INSC: variants seen among roughly 807,000 people sequenced by gnomAD.
INSC encodes INSC spindle orientation adaptor protein.
A neutral mutation model predicts 58.6 loss-of-function variants in INSC; 67 were observed. That is an observed-to-expected ratio of 1.14 (90% CI 0.94 to 1.40). The LOEUF (loss-of-function observed/expected upper bound fraction) is 1.40, where lower values mean the gene tolerates loss of function less well. Ranked by LOEUF, INSC falls within the 40% of genes most tolerant of loss-of-function variation. The probability of loss-of-function intolerance (pLI) is 0.00; values close to 1 mark genes in which losing one functional copy is unlikely to be tolerated. For missense variants in INSC, 714 were observed against 692.0 expected (o/e 1.03, Z -0.36); for synonymous variants, 262 against 276.1 (o/e 0.95, Z 0.51).
At chr11:15,150,346 T>G (rs778759833) in intron 2 of INSC, among the ~76,000 whole-genome samples, 20 of 152,238 alleles carry the variant, frequency 1.3e-4, no homozygotes, top group Admixed American at 2.6e-4. Context: ...TCTTTCCTCC[T>G]GTTCCAAGCT....
intron 7 of INSC, among the ~76,000 whole-genome samples, chr11:15,204,534 C>T (rs377341687): frequency 3.9e-5 from 6 of 152,236 alleles, no homozygotes; most frequent in East Asian, 1.9e-4. Flanking sequence ...CCTCTGTGAG[C>T]TGGGCTGCTC....
At chr11:15,187,448 TGACTTATG>T in intron 5 of INSC, among the ~76,000 whole-genome samples, 1 of 152,328 alleles carries the variant, frequency 6.6e-6, no homozygotes, top group Admixed American at 6.5e-5. Context: ...CTACTATGTC[TGACTTATG>T]GACTTTCCAT....
chr11:15,250,228 GCTTTACCA>G (rs1173398971), downstream of INSC, among the ~76,000 whole-genome samples: 1 of 152,134 alleles, frequency 6.6e-6, no homozygotes, highest in African/African-American at 2.4e-5. Flanking sequence ...AAAAATCCTA[GCTTTACCA>G]CTTTACTGTT....
intron 9 of INSC, chr11:15,235,057 T>G (rs1482692192): frequency 5.8e-6 from 1 of 171,992 alleles, no homozygotes; most frequent in Non-Finnish European, 1.3e-5. Flanking sequence ...CTCATCAGAT[T>G]CCATGTAATA....
intron 2 of INSC, among the ~76,000 whole-genome samples, chr11:15,163,751 G>A (rs955945222): frequency 2.0e-5 from 3 of 152,008 alleles, no homozygotes; most frequent in Non-Finnish European, 4.4e-5. Context: ...CTGCCACCAC[G>A]CTCAACTAAT....
intron 6 of INSC, among the ~76,000 whole-genome samples, chr11:15,196,568 G>T (rs1181587075): frequency 1.3e-5 from 2 of 152,140 alleles, no homozygotes; most frequent in Non-Finnish European, 2.9e-5. Context: ...GCTTGCTCTG[G>T]GTATGAGGCT....
At position 15,175,909 on chromosome 11, in the gene INSC, G is replaced by T. The variant is rs766791349; in HGVS notation, c.225G>T (p.Gln75His). The stretch of plus-strand genomic sequence containing the variant: ...GCCCTGGCCCTGGAGACCCCCTGCA[G>T]CTGCTGCTCAAACGGGGTTGGGTCA... Reference protein sequence around the residue: ...AGGPGPGDPLQLLLKRGWVIS... With the variant: ...AGGPGPGDPLHLLLKRGWVIS... Residue 75 changes from glutamine (Q) to histidine (H), a missense_variant, in exon 3 of 13, where the codon CAG becomes CAT. Gln to His is a conservative substitution (Grantham distance 24). Coordinates refer to ENST00000379556, the MANE Select transcript of INSC (RefSeq NM_001042536.3). 1.1e-5 allele frequency: 17 copies of T among 1,614,218 alleles called. No homozygotes were observed. Among genetic ancestry groups the T allele is most frequent in the Non-Finnish European group, 1.4e-5 (17 of 1,180,026 alleles).
intron 1 of INSC, among the ~76,000 whole-genome samples, chr11:15,140,650 C>T (rs1448362501): frequency 6.6e-6 from 1 of 151,090 alleles, no homozygotes; most frequent in Non-Finnish European, 1.5e-5. Context: ...ATAATCATAG[C>T]TCACTGTAAC....
At position 15,158,860 on chromosome 11, in the gene INSC, G is replaced by GTTTTTTTTTTTTTTTTTT. The variant is rs529518368; in HGVS notation, c.56+9634_56+9651dup. Among the ~76,000 whole-genome samples the GTTTTTTTTTTTTTTTTTT allele has an allele frequency of 1.7e-4, 19 of 109,702 alleles. 1 individual carries two copies. Among genetic ancestry groups the GTTTTTTTTTTTTTTTTTT allele is most frequent in the African/African-American group, 6.0e-4 (17 of 28,266 alleles). 72.0% of individuals were successfully genotyped at this position (109,702 alleles called of 152,430 possible). Reference sequence around the variant, plus strand: ...ATTATAACCAGATGAATTGTTGGTGGTTTTTTTTTTTTTTTTTTTTTGCCT... The same window carrying GTTTTTTTTTTTTTTTTTT: ...ATTATAACCAGATGAATTGTTGGTGGTTTTTTTTTTTTTTTTTTTTTTTTTTTTTTTTTTTTTTTGCCT... On this transcript the variant is annotated intron_variant, in intron 2 of 12. Transcript: ENST00000379556.
At chr11:15,141,998 C>T (rs976854329) in intron 1 of INSC, among the ~76,000 whole-genome samples, 1 of 152,148 alleles carries the variant, frequency 6.6e-6, no homozygotes, top group African/African-American at 2.4e-5. Context: ...TCCCTATCAC[C>T]AACAGGACAG....
chr11:15,268,159 C>G, the INSC span, among the ~76,000 whole-genome samples: 1 of 152,026 alleles, frequency 6.6e-6, no homozygotes, highest in East Asian at 1.9e-4. Context: ...TACTGTCCCA[C>G]ACTGATGATG....
intron 9 of INSC, among the ~76,000 whole-genome samples, chr11:15,228,398 C>T (rs943832150): frequency 2.6e-5 from 4 of 152,160 alleles, no homozygotes; most frequent in East Asian, 1.9e-4. Flanking sequence ...TCTCTCTGCA[C>T]CTGGAGTCGG....
At chr11:15,262,147 T>C in the INSC span, among the ~76,000 whole-genome samples, 1 of 152,128 alleles carries the variant, frequency 6.6e-6, no homozygotes, top group East Asian at 1.9e-4. Context: ...TTGGACAATT[T>C]ATCTTGCAGA....
chr11:15,255,734 G>GTA, the INSC span, among the ~76,000 whole-genome samples: 1 of 129,868 alleles, frequency 7.7e-6, no homozygotes, highest in African/African-American at 2.8e-5. Flanking sequence ...GTAAGTGTGT[G>GTA]TATGTGTGTG....
rs555495264 is a variant in INSC at position 15,225,703 on chromosome 11, C to G, written c.1045C>G (p.Leu349Val). 1.2e-6 allele frequency: 2 copies of G among 1,614,216 alleles called. No individual in the cohort carries two copies. Among genetic ancestry groups the G allele is most frequent in the South Asian group, 2.2e-5 (2 of 91,072 alleles). Residue 349 changes from leucine (L) to valine (V), a missense_variant, in exon 9 of 13, where the codon CTT becomes GTT. Coordinates refer to ENST00000379556, the MANE Select transcript of INSC (RefSeq NM_001042536.3). The stretch of plus-strand genomic sequence containing the variant: ...AGTCTTCCTACTGGCCTCTGCGGCC[C>G]TTGCCAACATCACGTTCTTTGACAC... ...GEVFLLASAA[L>V]ANITFFDTMA...
chr11:15,112,586 ATGTGAGTG>A, upstream of INSC: 2 of 887,420 alleles, frequency 2.3e-6, no homozygotes, highest in Non-Finnish European at 3.1e-6. Context: ...GGGAAGGTGG[ATGTGAGTG>A]TGTGTGTGTG....
At chr11:15,164,106 T>A (rs1183022643) in intron 2 of INSC, among the ~76,000 whole-genome samples, 1 of 150,970 alleles carries the variant, frequency 6.6e-6, no homozygotes, top group Non-Finnish European at 1.5e-5. Context: ...AATTTTAAGC[T>A]TATTTTGTTA....
chr11:15,240,834 T>A (rs1235242017), intron 12 of INSC, among the ~76,000 whole-genome samples: 1 of 152,322 alleles, frequency 6.6e-6, no homozygotes, highest in South Asian at 2.1e-4. Flanking sequence ...TGGTCGTGTC[T>A]ATGTCATGGT....
chr11:15,121,020 T>C (rs2133685385), intron 1 of INSC, among the ~76,000 whole-genome samples: 1 of 150,044 alleles, frequency 6.7e-6, no homozygotes, highest in East Asian at 2.0e-4. Flanking sequence ...TATTTCACTG[T>C]ATATTTTTAT....
Sources: gnomAD v4.1 joint callset for allele counts (sites outside exome capture counted in the v4.1 genomes callset) on GRCh38, gnomAD v4.1.1 for gene constraint, MANE v1.5 for transcripts, NCBI Gene and HGNC (gene_info 2026-07-23, HGNC 2026-07-21) for gene names.